CPNE8: variants seen among roughly 807,000 people sequenced by gnomAD.
CPNE8 encodes the protein copine 8, also known as copine-8.
Under a neutral mutation model 81.5 loss-of-function variants are expected in CPNE8, and 45 were observed. The ratio of observed to expected loss-of-function variants is 0.55; its 90% CI spans 0.44 to 0.71. The LOEUF is 0.71. CPNE8 is among the 30% of genes least tolerant of loss of function. The pLI is 0.00. For missense variants in CPNE8, 594 were observed against 672.1 expected (o/e 0.88, Z 1.28); for synonymous variants, 252 against 226.3 (o/e 1.11, Z -1.02).
At chr12:38,833,864 G>A in intron 5 of CPNE8, among the ~76,000 whole-genome samples, 1 of 152,136 alleles carries the variant, frequency 6.6e-6, no homozygotes, top group East Asian at 1.9e-4. Flanking sequence ...ATCTATTCAA[G>A]TAGATACCTG....
At chr12:38,784,182 C>A (rs78544276) in intron 6 of CPNE8, among the ~76,000 whole-genome samples, 88 of 152,234 alleles carry the variant, frequency 5.8e-4, no homozygotes, top group African/African-American at 2.0e-3. Context: ...AATTTAAAAG[C>A]ATCAAACAAA....
chr12:38,897,347 A>G (rs1944401934), intron 1 of CPNE8, among the ~76,000 whole-genome samples: 1 of 152,130 alleles, frequency 6.6e-6, no homozygotes, highest in African/African-American at 2.4e-5. Flanking sequence ...TCAGTTCTAG[A>G]AAACTATCCC....
In CPNE8 at chr12:38,741,019, A is replaced by G. The variant is rs181762549; in HGVS notation, c.723-10661T>C. On this transcript the variant is annotated intron_variant, in intron 10 of 19. Transcript: ENST00000331366. ...AGGGAGAACTACAAACCACTGCTCA[A>G]TGAAGTAAAAGAGGACACAAACAAA... 3.3e-5 allele frequency among the ~76,000 whole-genome samples: 5 copies of G among 152,248 alleles called. No individual in the cohort carries two copies. In the East Asian group the frequency reaches 7.7e-4, roughly 24 times the overall value.
intron 6 of CPNE8, among the ~76,000 whole-genome samples, chr12:38,799,089 C>A (rs138350804): frequency 1.3e-5 from 2 of 152,104 alleles, no homozygotes; most frequent in South Asian, 2.1e-4. Flanking sequence ...GACTCCCACA[C>A]AATAATAATG....
intron 18 of CPNE8, among the ~76,000 whole-genome samples, chr12:38,674,846 T>C (rs1432312400): frequency 2.0e-5 from 3 of 152,212 alleles, no homozygotes; most frequent in Non-Finnish European, 4.4e-5. Flanking sequence ...TAGCCACCTA[T>C]GTGCTTAAGT....
intron 6 of CPNE8, among the ~76,000 whole-genome samples, chr12:38,825,491 G>A (rs1943174053): frequency 6.6e-6 from 1 of 152,226 alleles, no homozygotes; most frequent in Admixed American, 6.5e-5. Context: ...ATTATTCGCA[G>A]ATAAAGCTTC....
At position 38,899,765 on chromosome 12, in the gene CPNE8, A is replaced by C. The variant is rs538265250; in HGVS notation, c.98+5672T>G. Reference sequence around the variant, plus strand: ...CCATAGAGTCAACTGATTCCCACAGAATGATTTCTTAAATACAGATGACAA... The same window carrying C: ...CCATAGAGTCAACTGATTCCCACAGCATGATTTCTTAAATACAGATGACAA... On this transcript the variant is annotated intron_variant, in intron 1 of 19. Transcript: ENST00000331366. 3.9e-4 allele frequency among the ~76,000 whole-genome samples: 60 copies of C among 152,290 alleles called. 1 individual carries two copies. In the South Asian group the frequency reaches 0.012, roughly 31 times the overall value.
intron 19 of CPNE8, among the ~76,000 whole-genome samples, chr12:38,667,694 A>G (rs889766952): frequency 6.6e-6 from 1 of 152,228 alleles, no homozygotes; most frequent in African/African-American, 2.4e-5. Flanking sequence ...TTTACATGGC[A>G]GAATCCCTTG....
chr12:38,755,387 C>T (rs1292238892), intron 10 of CPNE8, among the ~76,000 whole-genome samples: 1 of 152,110 alleles, frequency 6.6e-6, no homozygotes, highest in East Asian at 1.9e-4. Context: ...ACATCACAAC[C>T]ACATGGTATT....
rs1188096734 is a variant in CPNE8 at position 38,687,370 on chromosome 12, CTTTCTT to C, written c.1144-1759_1144-1754del. ...GCTACCAAATTACGAAATGCCAAGA[CTTTCTT>C]TTTTTTTTTTTTTTTTTTTTTGTGA... On this transcript the variant is annotated intron_variant, in intron 15 of 19. Coordinates refer to ENST00000331366, the MANE Select transcript of CPNE8 (RefSeq NM_153634.3). Among the ~76,000 whole-genome samples, 25 of 95,524 alleles carry C rather than the reference CTTTCTT, an allele frequency of 2.6e-4. 1 individual carries two copies. In the South Asian group the frequency reaches 3.0e-3, roughly 11 times the overall value. The allele number at this position is 95,524 out of a possible 152,430, so 62.7% of individuals were successfully genotyped here.
chr12:38,689,856 A>G (rs1224395078), intron 15 of CPNE8, among the ~76,000 whole-genome samples: 1 of 152,212 alleles, frequency 6.6e-6, no homozygotes, highest in African/African-American at 2.4e-5. Flanking sequence ...ATCCAAAAGG[A>G]GTCATCAAGA....
intron 19 of CPNE8, among the ~76,000 whole-genome samples, chr12:38,655,636 A>T (rs1220270669): frequency 2.6e-5 from 4 of 152,164 alleles, no homozygotes; most frequent in Non-Finnish European, 5.9e-5. Flanking sequence ...GTTATTCATT[A>T]TGTGCCTCTG....
chr12:38,705,539 T>C (rs1416757020), intron 13 of CPNE8, among the ~76,000 whole-genome samples: 1 of 152,178 alleles, frequency 6.6e-6, no homozygotes, highest in Non-Finnish European at 1.5e-5. Flanking sequence ...ATTTGGAGCA[T>C]AACACTAACC....
intron 14 of CPNE8, among the ~76,000 whole-genome samples, chr12:38,696,984 T>C (rs1437794109): frequency 6.6e-6 from 1 of 152,052 alleles, no homozygotes; most frequent in African/African-American, 2.4e-5. Flanking sequence ...GAAGTGGAGG[T>C]TGCAGTGAGC....
chr12:38,867,333 TGTGTGTGAGAGA>T (rs1341917151), intron 3 of CPNE8, among the ~76,000 whole-genome samples: 55 of 144,096 alleles, frequency 3.8e-4, no homozygotes, highest in African/African-American at 1.5e-3. Flanking sequence ...TGTGTGTGTG[TGTGTGTGAGAGA>T]GAGAGAGAGA....
At position 38,905,399 on chromosome 12, in the gene CPNE8, T is replaced by G. The variant is rs1420186949; in HGVS notation, c.98+38A>C. 6 of 1,544,812 alleles carry G rather than the reference T, an allele frequency of 3.9e-6. No individual in the cohort carries two copies. In the South Asian group the frequency reaches 7.1e-5, roughly 18 times the overall value. ...CTCCAAGTGCTACCAACCCCACAGA[T>G]GAGAGGGCAGGAGAGAGGGGAAGGG... On this transcript the variant is annotated intron_variant, in intron 1 of 19. Transcript: ENST00000331366.
chr12:38,722,247 G>T (rs1056287867), intron 13 of CPNE8, among the ~76,000 whole-genome samples: 1 of 152,112 alleles, frequency 6.6e-6, no homozygotes, highest in Non-Finnish European at 1.5e-5. Context: ...AATAGGCAAA[G>T]ACATTGGAAT....
intron 10 of CPNE8, among the ~76,000 whole-genome samples, chr12:38,735,879 A>G (rs552011433): frequency 3.3e-5 from 5 of 151,876 alleles, no homozygotes; most frequent in African/African-American, 1.2e-4. Context: ...TTTTACTATT[A>G]ATAGTATAAA....
chr12:38,899,803 A>G (rs1284636576), intron 1 of CPNE8, among the ~76,000 whole-genome samples: 1 of 152,202 alleles, frequency 6.6e-6, no homozygotes, highest in Non-Finnish European at 1.5e-5. Flanking sequence ...GGGTAAGTCA[A>G]ACACTGATTT....
Sources: gnomAD v4.1 joint callset for allele counts (sites outside exome capture counted in the v4.1 genomes callset) on GRCh38, gnomAD v4.1.1 for gene constraint, MANE v1.5 for transcripts, NCBI Gene and HGNC (gene_info 2026-07-23, HGNC 2026-07-21) for gene names.